The following HPSE2 variants were observed in gnomAD, a reference collection of about 807,000 sequenced individuals.
HPSE2 encodes the protein inactive heparanase-2.
Under a neutral mutation model 60.5 loss-of-function variants are expected in HPSE2, and 38 were observed. The observed-to-expected ratio is 0.63, with a 90% confidence interval of 0.48 to 0.82. The LOEUF (loss-of-function observed/expected upper bound fraction) is 0.82. HPSE2 is among the 40% of genes least tolerant of loss of function. HPSE2 has a pLI of 0.00. For missense variants in HPSE2, 713 were observed against 740.4 expected (o/e 0.96, Z 0.43); for synonymous variants, 295 against 293.2 (o/e 1.01, Z -0.06).
At chr10:98,981,417 C>T (rs901512467) in intron 3 of HPSE2, among the ~76,000 whole-genome samples, 2 of 152,110 alleles carry the variant, frequency 1.3e-5, no homozygotes, top group African/African-American at 4.8e-5. Flanking sequence ...ACTGTAAGAG[C>T]TTGGACAAGT....
At chr10:98,895,289 CA>C (rs1227120091) in intron 3 of HPSE2, among the ~76,000 whole-genome samples, 3 of 151,970 alleles carry the variant, frequency 2.0e-5, no homozygotes, top group African/African-American at 7.2e-5. Context: ...TGAACAATAA[CA>C]AAAAATACTG....
the HPSE2 span, among the ~76,000 whole-genome samples, chr10:99,286,335 G>C: frequency 5.3e-5 from 8 of 152,162 alleles, no homozygotes; most frequent in Non-Finnish European, 1.0e-4. Context: ...TCTATCATCA[G>C]ATGAATGGAT....
chr10:98,668,131 G>A (rs771226801), intron 6 of HPSE2, among the ~76,000 whole-genome samples: 1 of 151,970 alleles, frequency 6.6e-6, no homozygotes, highest in African/African-American at 2.4e-5. Flanking sequence ...TAACATTCTA[G>A]CTGAAAGCCA....
intron 9 of HPSE2, among the ~76,000 whole-genome samples, chr10:98,548,385 G>A (rs1943757581): frequency 6.6e-6 from 1 of 152,188 alleles, no homozygotes; most frequent in African/African-American, 2.4e-5. Flanking sequence ...GGGAGGCCGA[G>A]TTGGGCATAT....
At chr10:98,874,335 T>C (rs1033945419) in intron 3 of HPSE2, among the ~76,000 whole-genome samples, 1 of 152,068 alleles carries the variant, frequency 6.6e-6, no homozygotes, top group African/African-American at 2.4e-5. Flanking sequence ...GTTTTTATGG[T>C]TTTGGGTTTT....
chr10:98,851,779 A>G (rs570436371), intron 3 of HPSE2, among the ~76,000 whole-genome samples: 2 of 152,196 alleles, frequency 1.3e-5, no homozygotes, highest in Non-Finnish European at 2.9e-5. Flanking sequence ...GAAAGTTTCA[A>G]TATGGGATCA....
intron 3 of HPSE2, among the ~76,000 whole-genome samples, chr10:99,023,379 C>T (rs1360715987): frequency 6.6e-6 from 1 of 152,156 alleles, no homozygotes; most frequent in African/African-American, 2.4e-5. Flanking sequence ...TAGTCCCTAA[C>T]TCCAGGATGG....
chr10:99,092,404 G>A (rs548535614), intron 3 of HPSE2, among the ~76,000 whole-genome samples: 103 of 152,092 alleles, frequency 6.8e-4, no homozygotes, highest in Non-Finnish European at 1.3e-3. Context: ...CTCTAAAAAT[G>A]GTAAACTGTG....
chr10:99,290,704 A>G, the HPSE2 span, among the ~76,000 whole-genome samples: 2 of 152,158 alleles, frequency 1.3e-5, no homozygotes, highest in East Asian at 1.9e-4. Flanking sequence ...ACCTCCCACA[A>G]ATTAGCTGTG....
Position 99,208,446 on chromosome 10 carries a change from A to G in HPSE2, c.448+23902T>C, listed in dbSNP as rs1589822989. Among the ~76,000 whole-genome samples the G allele has an allele frequency of 2.0e-5, 3 of 152,138 alleles. No individual in the cohort carries two copies. The East Asian group carries it at 5.8e-4, about 29-fold the overall frequency. ...ATGTCTGTAATTCCAGCACTTTGGG[A>G]GGCCAAAGCAGGCATATTTCTTGAG... On this transcript the variant is annotated intron_variant, in intron 2 of 11. Coordinates refer to ENST00000370552, the MANE Select transcript of HPSE2 (RefSeq NM_021828.5).
chr10:99,163,715 T>C (rs547542249), intron 2 of HPSE2, among the ~76,000 whole-genome samples: 2 of 152,140 alleles, frequency 1.3e-5, no homozygotes, highest in Admixed American at 6.5e-5. Flanking sequence ...TTAGTTTCCA[T>C]GTCTCCTTAG....
At chr10:98,572,062 T>C (rs1301287179) in intron 9 of HPSE2, among the ~76,000 whole-genome samples, 1 of 151,236 alleles carries the variant, frequency 6.6e-6, no homozygotes, top group East Asian at 2.0e-4. Context: ...TGCCTCAGCC[T>C]CCCAAGTAGC....
intron 3 of HPSE2, among the ~76,000 whole-genome samples, chr10:99,100,306 T>C (rs1480826052): frequency 6.6e-6 from 1 of 152,184 alleles, no homozygotes; most frequent in Non-Finnish European, 1.5e-5. Context: ...AATGACCTGA[T>C]GGAGCTAAAA....
intron 9 of HPSE2, among the ~76,000 whole-genome samples, chr10:98,602,448 A>G (rs539595842): frequency 4.6e-5 from 7 of 152,294 alleles, no homozygotes; most frequent in African/African-American, 1.7e-4. Context: ...CAAAACTGAA[A>G]GTAGTAACTA....
intron 3 of HPSE2, among the ~76,000 whole-genome samples, chr10:98,902,633 C>T (rs1438122176): frequency 6.6e-6 from 1 of 152,100 alleles, no homozygotes; most frequent in Non-Finnish European, 1.5e-5. Flanking sequence ...ACTTAAAACC[C>T]TATAAGCTGG....
intron 3 of HPSE2, among the ~76,000 whole-genome samples, chr10:99,048,766 G>T (rs1333893904): frequency 1.3e-5 from 2 of 152,100 alleles, no homozygotes; most frequent in East Asian, 3.9e-4. Flanking sequence ...TATACAAAAA[G>T]ACACATGTAC....
chr10:99,244,387 TATTATTATTATTA>T, the HPSE2 span, among the ~76,000 whole-genome samples: 9 of 131,896 alleles, frequency 6.8e-5, 1 homozygote, highest in African/African-American at 2.3e-4. Context: ...TTTCTTTTAT[TATTATTATTATTA>T]TTATTATTAT....
At chr10:98,806,999 T>G (rs907144576) in intron 3 of HPSE2, among the ~76,000 whole-genome samples, 3 of 151,954 alleles carry the variant, frequency 2.0e-5, no homozygotes, top group Admixed American at 6.6e-5. Flanking sequence ...AAAAATTAGC[T>G]GGGCGTGGTG....
intron 3 of HPSE2, among the ~76,000 whole-genome samples, chr10:98,951,745 A>G (rs1407574257): frequency 6.6e-6 from 1 of 152,192 alleles, no homozygotes; most frequent in African/African-American, 2.4e-5. Flanking sequence ...GCAGAAACAG[A>G]CCATTATCTC....
Sources: gnomAD v4.1 joint callset for allele counts (sites outside exome capture counted in the v4.1 genomes callset) on GRCh38, gnomAD v4.1.1 for gene constraint, MANE v1.5 for transcripts, NCBI Gene and HGNC (gene_info 2026-07-23, HGNC 2026-07-21) for gene names.